AKT3: variants seen among roughly 807,000 people sequenced by gnomAD.
AKT3 encodes the protein RAC-gamma serine/threonine-protein kinase.
In AKT3, 15 loss-of-function variants were observed where a neutral mutation model predicts 65.3. That is an observed-to-expected ratio of 0.23 (90% CI 0.15 to 0.35). The LOEUF (loss-of-function observed/expected upper bound fraction) is 0.35. Ranked by LOEUF, AKT3 falls within the 10% of genes least tolerant of loss-of-function variation. The probability of loss-of-function intolerance (pLI) is 1.00; values close to 1 mark genes in which losing one functional copy is unlikely to be tolerated. For synonymous variants in AKT3, 206 were observed against 183.8 expected, an observed-to-expected ratio of 1.12 and a Z score of -0.98; for missense variants, 243 against 576.5, an observed-to-expected ratio of 0.42 and a Z score of 5.92.
intron 3 of AKT3, among the ~76,000 whole-genome samples, chr1:243,678,336 A>C (rs1683674911): frequency 6.6e-6 from 1 of 152,130 alleles, no homozygotes; most frequent in Non-Finnish European, 1.5e-5. Context: ...CAATAAAAAC[A>C]CTTCATTTTA....
intron 2 of AKT3, among the ~76,000 whole-genome samples, chr1:243,741,307 G>A (rs183409167): frequency 3.9e-5 from 6 of 152,220 alleles, no homozygotes; most frequent in Admixed American, 2.0e-4. Flanking sequence ...CCCAAAAAGT[G>A]ACACTGAATC....
intron 6 of AKT3, among the ~76,000 whole-genome samples, chr1:243,629,449 C>T (rs1679434299): frequency 6.6e-6 from 1 of 152,066 alleles, no homozygotes; most frequent in East Asian, 1.9e-4. Context: ...AAGTGGATGT[C>T]CCAGCATGCT....
intron 6 of AKT3, among the ~76,000 whole-genome samples, chr1:243,637,036 T>A (rs1353493317): frequency 2.0e-5 from 3 of 152,108 alleles, no homozygotes; most frequent in Non-Finnish European, 4.4e-5. Flanking sequence ...GTAAAGTGTA[T>A]CTCCTGAGGG....
At chr1:243,638,235 C>T (rs1313450220) in intron 5 of AKT3, among the ~76,000 whole-genome samples, 5 of 152,056 alleles carry the variant, frequency 3.3e-5, no homozygotes, top group African/African-American at 9.7e-5. Flanking sequence ...TAAGAAATGT[C>T]GAGAACCTCG....
At chr1:243,654,076 G>T (rs926196597) in intron 4 of AKT3, among the ~76,000 whole-genome samples, 2 of 151,862 alleles carry the variant, frequency 1.3e-5, no homozygotes, top group African/African-American at 2.4e-5. Flanking sequence ...TGTAATATAT[G>T]CCAGAATAAT....
At chr1:243,830,419 T>C (rs1001181970) in intron 2 of AKT3, among the ~76,000 whole-genome samples, 1 of 152,164 alleles carries the variant, frequency 6.6e-6, no homozygotes, top group East Asian at 1.9e-4. Context: ...AACCGTGTCT[T>C]ATAATAATTA....
At chr1:243,836,829 T>C (rs1399639251) in intron 2 of AKT3, among the ~76,000 whole-genome samples, 3 of 151,386 alleles carry the variant, frequency 2.0e-5, no homozygotes, top group Non-Finnish European at 4.4e-5. Flanking sequence ...GAGAATCAAC[T>C]TGAATCCAGG....
At chr1:243,613,264 C>A (rs1678039099) in intron 8 of AKT3, among the ~76,000 whole-genome samples, 2 of 151,186 alleles carry the variant, frequency 1.3e-5, no homozygotes, top group Admixed American at 1.3e-4. Context: ...ATAATGTGCC[C>A]ATGGACTATT....
chr1:243,718,645 T>G (rs1686674587), intron 2 of AKT3, among the ~76,000 whole-genome samples: 1 of 150,546 alleles, frequency 6.6e-6, no homozygotes, highest in African/African-American at 2.4e-5. Context: ...TTTTTTGTAT[T>G]TTTTTTTTCA....
intron 8 of AKT3, among the ~76,000 whole-genome samples, chr1:243,590,801 CAT>C (rs1305907175): frequency 4.6e-5 from 7 of 152,034 alleles, no homozygotes; most frequent in African/African-American, 1.7e-4. Flanking sequence ...GAATCTAACA[CAT>C]GTGTAATATA....
At position 243,618,748 on chromosome 1, in the gene AKT3, T is replaced by TTTATTTTCCCAA. The variant is rs1678523143; in HGVS notation, c.562-3599_562-3588dup. 2.0e-5 allele frequency among the ~76,000 whole-genome samples: 3 copies of TTTATTTTCCCAA among 152,132 alleles called. No homozygotes were observed. In the South Asian group the frequency reaches 6.2e-4, roughly 32 times the overall value. On this transcript the variant is annotated intron_variant, in intron 6 of 13. Coordinates refer to ENST00000673466, the MANE Select transcript of AKT3 (RefSeq NM_005465.7). ...GGCAGAAGAATAGTCTTTTTAATAT[T>TTTATTTTCCCAA]TTATTTTCCCAATCCTCTCCAATTT...
At chr1:243,700,976 A>G (rs745851375) in intron 2 of AKT3, among the ~76,000 whole-genome samples, 1 of 152,112 alleles carries the variant, frequency 6.6e-6, no homozygotes, top group African/African-American at 2.4e-5. Flanking sequence ...CCTACCATTC[A>G]CCTGATAACA....
intron 8 of AKT3, among the ~76,000 whole-genome samples, chr1:243,588,777 A>G (rs1051164136): frequency 1.3e-5 from 2 of 152,166 alleles, no homozygotes; most frequent in African/African-American, 4.8e-5. Context: ...ACCTGAAACT[A>G]TAAAACTCCT....
intron 8 of AKT3, among the ~76,000 whole-genome samples, chr1:243,601,195 A>T (rs577037783): frequency 2.0e-4 from 31 of 152,218 alleles, no homozygotes; most frequent in African/African-American, 7.2e-4. Context: ...ATATTTATAA[A>T]ATATATATAT....
intron 2 of AKT3, among the ~76,000 whole-genome samples, chr1:243,699,056 T>G (rs964552582): frequency 1.3e-5 from 2 of 152,138 alleles, no homozygotes; most frequent in Non-Finnish European, 2.9e-5. Context: ...AAGGCACGTG[T>G]TGTCAGGTTG....
At chr1:243,683,656 G>C (rs973874687) in intron 3 of AKT3, among the ~76,000 whole-genome samples, 3 of 152,084 alleles carry the variant, frequency 2.0e-5, no homozygotes, top group Non-Finnish European at 4.4e-5. Context: ...GAGTGAGACA[G>C]AAAGGGGGGA....
chr1:243,742,454 G>A (rs1476781571), intron 2 of AKT3, among the ~76,000 whole-genome samples: 2 of 152,080 alleles, frequency 1.3e-5, no homozygotes, highest in Admixed American at 6.5e-5. Flanking sequence ...GCGAAACCCC[G>A]TCGCTACTAA....
chr1:243,555,880 A>G, intron 10 of AKT3, among the ~76,000 whole-genome samples: 1 of 152,164 alleles, frequency 6.6e-6, no homozygotes, highest in East Asian at 1.9e-4. Context: ...TGTAAATGAA[A>G]CCCAAACTTT....
At chr1:243,547,696 A>G (rs907955397) in intron 11 of AKT3, among the ~76,000 whole-genome samples, 2 of 152,198 alleles carry the variant, frequency 1.3e-5, no homozygotes, top group East Asian at 3.8e-4. Context: ...TAATTATATA[A>G]TTCTAATGAA....
Sources: allele counts gnomAD v4.1 joint callset (sites outside exome capture counted in the v4.1 genomes callset), GRCh38; gene constraint gnomAD v4.1.1; transcripts MANE v1.5; gene names NCBI Gene and HGNC (gene_info 2026-07-23, HGNC 2026-07-21).